CLDND1: variants seen among roughly 807,000 people sequenced by gnomAD.
CLDND1 encodes claudin domain containing 1, also known as claudin domain-containing protein 1.
In CLDND1, 13 loss-of-function variants were observed where a neutral mutation model predicts 26.3. The observed-to-expected ratio is 0.49, with a 90% CI of 0.32 to 0.78. CLDND1 has a LOEUF of 0.78. Ranked by LOEUF, CLDND1 falls within the 30% of genes least tolerant of loss-of-function variation. CLDND1 has a pLI of 0.03. For synonymous variants in CLDND1, 107 were observed against 107.0 expected, an observed-to-expected ratio of 1.00 and a Z score of 0.00; for missense variants, 289 against 312.8, an observed-to-expected ratio of 0.92 and a Z score of 0.57.
At position 98,516,168 on chromosome 3, in the gene CLDND1, C is replaced by T; in HGVS notation, c.*491G>A. The T allele has an allele frequency of 9.5e-7, 1 of 1,049,406 alleles. No individual in the cohort carries two copies. The highest frequency in any genetic ancestry group is 1.2e-6 in the Non-Finnish European group (1 of 868,956). The allele number at this position is 1,049,406 out of a possible 1,614,324, so 65.0% of individuals were successfully genotyped here. A position where few individuals can be genotyped will look rare whatever the true frequency, so the allele number is the denominator to read the frequency against. The stretch of plus-strand genomic sequence containing the variant: ...AGGGAAAATGATCTTAGATAATTTC[C>T]CAATTTTATAGAGCTTAAATCTTTG... On this transcript the variant is annotated 3_prime_UTR_variant, in exon 5 of 5. Coordinates refer to ENST00000341181, the MANE Select transcript of CLDND1 (RefSeq NM_001040181.2).
In CLDND1 at chr3:98,516,002, G is replaced by T; in HGVS notation, c.*657C>A. 1 of 1,164,838 alleles carries T rather than the reference G, an allele frequency of 8.6e-7. No individual in the cohort carries two copies. The highest frequency in any genetic ancestry group is 6.0e-5 in the East Asian group (1 of 16,622). 72.2% of individuals were successfully genotyped at this position (1,164,838 alleles called of 1,614,324 possible). On this transcript the variant is annotated 3_prime_UTR_variant, in exon 5 of 5. Coordinates refer to ENST00000341181, the MANE Select transcript of CLDND1 (RefSeq NM_001040181.2). The stretch of plus-strand genomic sequence containing the variant: ...AGAGTTAAAAATAATACTAATCCTC[G>T]CCCGGCTGAACTGGAATTCTTGCAG...
chr3:98,518,509 G>T (rs993389072), intron 3 of CLDND1, among the ~76,000 whole-genome samples: 2 of 152,156 alleles, frequency 1.3e-5, no homozygotes, highest in African/African-American at 4.8e-5. Flanking sequence ...TTTAGAGCTT[G>T]CAGTAAACTT....
rs756797664 is a variant in CLDND1 at position 98,521,679 on chromosome 3, T to G, written c.-18-237A>C. 1.9e-6 allele frequency: 3 copies of G among 1,613,166 alleles called. No homozygotes were observed. The highest frequency in any genetic ancestry group is 2.5e-6 in the Non-Finnish European group (3 of 1,179,242). ...CAGGATGCTACGGAGACAGAGGTCT[T>G]GTTCTCTAGTCTATCACCTGCATAC... is the stretch of plus-strand genomic sequence containing the variant. On this transcript the variant is annotated intron_variant, in intron 1 of 4. Coordinates refer to ENST00000341181, the MANE Select transcript of CLDND1 (RefSeq NM_001040181.2).
Position 98,515,786 on chromosome 3 carries a change from C to T in CLDND1, c.*873G>A, listed in dbSNP as rs1706113160. The T allele has an allele frequency of 7.8e-7, 1 of 1,289,566 alleles. No individual in the cohort carries two copies. The highest frequency in any genetic ancestry group is 1.5e-5 in the African/African-American group (1 of 65,824). 79.9% of individuals were successfully genotyped at this position (1,289,566 alleles called of 1,614,324 possible). ...AACTTTAGATCTTGTGGTAGGTTTC[C>T]CAGCTCTGGAGGGTCATTATGGTGA... On this transcript the variant is annotated 3_prime_UTR_variant, in exon 5 of 5. Coordinates refer to ENST00000341181, the MANE Select transcript of CLDND1 (RefSeq NM_001040181.2).
rs1706144353 is a variant in CLDND1 at position 98,516,503 on chromosome 3, T to A, written c.*156A>T. On this transcript the variant is annotated 3_prime_UTR_variant, in exon 5 of 5. Coordinates refer to ENST00000341181, the MANE Select transcript of CLDND1 (RefSeq NM_001040181.2). ...CCACATAAATTTTAGTGGTATTAAG[T>A]GTGTATTTAGTGGTGAATGTGTATA... 1 of 1,415,950 alleles carries A rather than the reference T, an allele frequency of 7.1e-7. No homozygotes were observed. The highest frequency in any genetic ancestry group is 1.4e-5 in the African/African-American group (1 of 69,388). 87.7% of individuals were successfully genotyped at this position (1,415,950 alleles called of 1,614,324 possible). A position where few individuals can be genotyped will look rare whatever the true frequency, so the allele number is the denominator to read the frequency against.
chr3:98,522,560 T>C lies in CLDND1; in HGVS notation c.-19+289A>G, dbSNP rs1341267629. 5 of 1,359,978 alleles carry C rather than the reference T, an allele frequency of 3.7e-6. No individual in the cohort carries two copies. In the South Asian group the frequency reaches 7.0e-5, roughly 19 times the overall value. 84.2% of individuals were successfully genotyped at this position (1,359,978 alleles called of 1,614,324 possible). ...AAATGACCTTAAAGGGTCCCAGCACTGGGAACGGCGGTTCGTCCAAGCCGG... is the reference window on the plus strand; with the variant it reads ...AAATGACCTTAAAGGGTCCCAGCACCGGGAACGGCGGTTCGTCCAAGCCGG... On this transcript the variant is annotated intron_variant, in intron 1 of 4. Transcript: ENST00000341181.
At position 98,515,533 on chromosome 3, in the gene CLDND1, T is replaced by C; in HGVS notation, c.*1126A>G. On this transcript the variant is annotated 3_prime_UTR_variant, in exon 5 of 5. Transcript: ENST00000341181. ...TTTAAAAAAGACATTGAGGTTATGG[T>C]AAGAAATTATGAAGTTACATTTTTT... 1 of 846,970 alleles carries C rather than the reference T, an allele frequency of 1.2e-6. No individual in the cohort carries two copies. The highest frequency in any genetic ancestry group is 1.5e-6 in the Non-Finnish European group (1 of 675,666). 52.5% of individuals were successfully genotyped at this position (846,970 alleles called of 1,614,324 possible). A position where few individuals can be genotyped will look rare whatever the true frequency, so the allele number is the denominator to read the frequency against.
At chr3:98,522,752 C>G in intron 1 of CLDND1, 97 bp downstream of exon 1, 1 of 1,605,332 alleles carries the variant, frequency 6.2e-7, no homozygotes, top group Non-Finnish European at 8.5e-7. Flanking sequence ...ACCCGCCCAG[C>G]CCGACCACGC....
At chr3:98,520,567 G>A (rs934148966) in intron 2 of CLDND1, among the ~76,000 whole-genome samples, 1 of 150,746 alleles carries the variant, frequency 6.6e-6, no homozygotes, top group Non-Finnish European at 1.5e-5. Flanking sequence ...TCTAGTTTTT[G>A]GTTTTTTTTT....
chr3:98,517,757 G>C (rs1706212171), intron 3 of CLDND1, among the ~76,000 whole-genome samples: 1 of 152,120 alleles, frequency 6.6e-6, no homozygotes, highest in South Asian at 2.1e-4. Flanking sequence ...ATCCCCCATA[G>C]CTACAGCTGT....
chr3:98,515,974 C>CGGG lies in CLDND1; in HGVS notation c.*684_*685insCCC, dbSNP rs1706122756. 8.3e-7 allele frequency: 1 copy of CGGG among 1,199,964 alleles called. No homozygotes were observed. The highest frequency in any genetic ancestry group is 1.6e-5 in the African/African-American group (1 of 62,932). The allele number at this position is 1,199,964 out of a possible 1,614,324, so 74.3% of individuals were successfully genotyped here. ...CAATTTGGTGGTACTGAAAATCTTA[C>CGGG]GGAGAGTTAAAAATAATACTAATCC... is the stretch of plus-strand genomic sequence containing the variant. On this transcript the variant is annotated 3_prime_UTR_variant, in exon 5 of 5. Coordinates refer to ENST00000341181, the MANE Select transcript of CLDND1 (RefSeq NM_001040181.2).
chr3:98,521,055 T>C (rs941529984), intron 2 of CLDND1, 78 bp downstream of exon 2: 1 of 1,253,178 alleles, frequency 8.0e-7, no homozygotes, highest in African/African-American at 1.5e-5. Flanking sequence ...CCTGCTTACA[T>C]GTAATTGGGC....
At position 98,515,929 on chromosome 3, in the gene CLDND1, G is replaced by A; in HGVS notation, c.*730C>T. On this transcript the variant is annotated 3_prime_UTR_variant, in exon 5 of 5. Coordinates refer to ENST00000341181, the MANE Select transcript of CLDND1 (RefSeq NM_001040181.2). ...TTTAATAACCCTGGTATGTGAAGAG[G>A]AAAGAAAAAAAATCCAAAACAATTT... 8 of 1,211,946 alleles carry A rather than the reference G, an allele frequency of 6.6e-6. No homozygotes were observed. The highest frequency in any genetic ancestry group is 6.0e-5 in the Admixed American group (2 of 33,582). The allele number at this position is 1,211,946 out of a possible 1,614,324, so 75.1% of individuals were successfully genotyped here. A position where few individuals can be genotyped will look rare whatever the true frequency, so the allele number is the denominator to read the frequency against.
Position 98,516,588 on chromosome 3 carries a change from A to G in CLDND1, c.*71T>C, listed in dbSNP as rs1389170080. ...CACAAATAAAAATTAAAAACAATTGAGAGGTGGGGAAAATATCAGTATTAT... is the reference window on the plus strand; with the variant it reads ...CACAAATAAAAATTAAAAACAATTGGGAGGTGGGGAAAATATCAGTATTAT... On this transcript the variant is annotated 3_prime_UTR_variant, in exon 5 of 5. Coordinates refer to ENST00000341181, the MANE Select transcript of CLDND1 (RefSeq NM_001040181.2). 8 of 1,500,544 alleles carry G rather than the reference A, an allele frequency of 5.3e-6. No individual in the cohort carries two copies. The highest frequency in any genetic ancestry group is 7.1e-6 in the Non-Finnish European group (8 of 1,124,216). 93.0% of individuals were successfully genotyped at this position (1,500,544 alleles called of 1,614,324 possible). A position where few individuals can be genotyped will look rare whatever the true frequency, so the allele number is the denominator to read the frequency against.
chr3:98,518,351 C>G (rs1706248985), intron 3 of CLDND1, among the ~76,000 whole-genome samples: 1 of 152,146 alleles, frequency 6.6e-6, no homozygotes, highest in East Asian at 1.9e-4. Context: ...AGGCTCAAAT[C>G]TGAAGACAGT....
At chr3:98,518,227 A>G (rs1026289613) in intron 3 of CLDND1, among the ~76,000 whole-genome samples, 1 of 152,144 alleles carries the variant, frequency 6.6e-6, no homozygotes, top group Non-Finnish European at 1.5e-5. Context: ...TCTCCTAGTA[A>G]TAAACTGCTT....
chr3:98,517,577 T>C (rs1706200984), intron 3 of CLDND1, among the ~76,000 whole-genome samples: 1 of 152,178 alleles, frequency 6.6e-6, no homozygotes, highest in African/African-American at 2.4e-5. Context: ...AATTTACAAA[T>C]ATATAGTATA....
Position 98,515,820 on chromosome 3 carries a change from T to TAAAGAAC in CLDND1, c.*838_*839insGTTCTTT. ...GAGGGTCATTATGGTGAAACGTTCT[T>TAAAGAAC]TATAGTACTGGGCTGGAATAAATAA... On this transcript the variant is annotated 3_prime_UTR_variant, in exon 5 of 5. Transcript: ENST00000341181. 7.8e-7 allele frequency: 1 copy of TAAAGAAC among 1,289,664 alleles called. No homozygotes were observed. The highest frequency in any genetic ancestry group is 1.0e-6 in the Non-Finnish European group (1 of 988,790). The allele number at this position is 1,289,664 out of a possible 1,614,324, so 79.9% of individuals were successfully genotyped here. A position where few individuals can be genotyped will look rare whatever the true frequency, so the allele number is the denominator to read the frequency against.
intron 1 of CLDND1, 116 bp downstream of exon 1, chr3:98,522,733 C>A: frequency 6.3e-7 from 1 of 1,582,108 alleles, no homozygotes; most frequent in South Asian, 1.1e-5. Context: ...GACAAATCCG[C>A]CGCTCGGAAC....
Sources: gnomAD v4.1 joint callset for allele counts (sites outside exome capture counted in the v4.1 genomes callset) on GRCh38, gnomAD v4.1.1 for gene constraint, MANE v1.5 for transcripts, NCBI Gene and HGNC (gene_info 2026-07-23, HGNC 2026-07-21) for gene names.